Variants in C3orf22 observed in about 807,000 individuals in gnomAD.
C3orf22 encodes the protein uncharacterized protein C3orf22.
C3orf22 carries 7 observed loss-of-function variants against 10.8 expected under a neutral mutation model. The ratio of observed to expected loss-of-function variants is 0.65; its 90% CI spans 0.37 to 1.22. The LOEUF is 1.22. Ranked by LOEUF, C3orf22 falls within the 50% of genes most tolerant of loss-of-function variation. C3orf22 has a pLI of 0.02. For synonymous variants in C3orf22, 79 were observed against 78.9 expected, an observed-to-expected ratio of 1.00 and a Z score of 0.00; for missense variants, 173 against 177.0, an observed-to-expected ratio of 0.98 and a Z score of 0.13.
At chr3:126,536,913 A>T (rs1252693121) in intron 4 of C3orf22, among the ~76,000 whole-genome samples, 1 of 151,126 alleles carries the variant, frequency 6.6e-6, no homozygotes, top group Non-Finnish European at 1.5e-5. Flanking sequence ...ACACACACAC[A>T]CACACACACA....
At chr3:126,547,610 C>T (rs1334458503), downstream of C3orf22, among the ~76,000 whole-genome samples, 9 of 152,236 alleles carry the variant, frequency 5.9e-5, no homozygotes, top group East Asian at 1.7e-3. Context: ...GCCAGCGACC[C>T]CTCCTGCTCC....
At chr3:126,550,921 A>C (rs1221304071) in intron 3 of C3orf22, among the ~76,000 whole-genome samples, 1 of 152,174 alleles carries the variant, frequency 6.6e-6, no homozygotes, top group Non-Finnish European at 1.5e-5. Flanking sequence ...TCCATTTTGC[A>C]TGGGTAGAAT....
chr3:126,549,785 T>A lies in C3orf22; in HGVS notation c.*83A>T. 1 of 1,525,086 alleles carries A rather than the reference T, an allele frequency of 6.6e-7. No homozygotes were observed. Among genetic ancestry groups the A allele is most frequent in the Non-Finnish European group, 8.8e-7 (1 of 1,136,554 alleles). 94.5% of individuals were successfully genotyped at this position (1,525,086 alleles called of 1,614,324 possible). On this transcript the variant is annotated 3_prime_UTR_variant, in exon 4 of 4. Coordinates refer to ENST00000318225, the MANE Select transcript of C3orf22 (RefSeq NM_152533.3). ...TATGATGGCCATGAAGGCTGATCCC[T>A]TTACTAAAGTCTCTGTGGCTACTGC...
At chr3:126,528,440 C>T (rs891203006) in intron 5 of C3orf22, among the ~76,000 whole-genome samples, 1 of 152,074 alleles carries the variant, frequency 6.6e-6, no homozygotes, top group African/African-American at 2.4e-5. Flanking sequence ...AGCAGTGAAC[C>T]AGGAAGGGTG....
downstream of C3orf22, among the ~76,000 whole-genome samples, chr3:126,548,909 C>A (rs892064991): frequency 6.6e-6 from 1 of 152,208 alleles, no homozygotes; most frequent in Non-Finnish European, 1.5e-5. Context: ...AAAGCCACAT[C>A]CCACTCCAGG....
At position 126,529,414 on chromosome 3, in the gene C3orf22, G is replaced by T. The variant is rs1263197391; in HGVS notation, c.287-42C>A. ...GGGGGACAGGTGTCAGGACAAGGGG[G>T]CACCCAGAGGCAGGGCAGCATGGGT... On this transcript the variant is annotated intron_variant and NMD_transcript_variant, in intron 4 of 5. Coordinates refer to the C3orf22 transcript ENST00000505070. The T allele has an allele frequency of 3.1e-6, 4 of 1,287,636 alleles. No homozygotes were observed. In the Admixed American group the frequency reaches 9.2e-5, roughly 30 times the overall value. 79.8% of individuals were successfully genotyped at this position (1,287,636 alleles called of 1,614,324 possible).
intron 3 of C3orf22, among the ~76,000 whole-genome samples, chr3:126,550,850 A>C (rs1223972706): frequency 6.6e-6 from 1 of 152,236 alleles, no homozygotes; most frequent in East Asian, 1.9e-4. Flanking sequence ...TGTTCCCAGC[A>C]GCAGGGGTTC....
rs988730884 is a variant in C3orf22, at chr3:126,553,219, C to G, written c.89+83G>C. ...CAAAACCCCCTCCCAGCTGCAGCCC[C>G]ACAGAATGCATTTGAGTTCCCAGGA... On this transcript the variant is annotated intron_variant, in intron 2 of 3. Coordinates refer to ENST00000318225, the MANE Select transcript of C3orf22 (RefSeq NM_152533.3). 8 of 983,820 alleles carry G rather than the reference C, an allele frequency of 8.1e-6. No homozygotes were observed. In the Admixed American group the frequency reaches 1.4e-4, roughly 17 times the overall value. 60.9% of individuals were successfully genotyped at this position (983,820 alleles called of 1,614,324 possible).
At chr3:126,528,468 C>T (rs1936579662) in intron 5 of C3orf22, among the ~76,000 whole-genome samples, 1 of 152,038 alleles carries the variant, frequency 6.6e-6, no homozygotes. Context: ...ACTGGTGGGC[C>T]TTGGGGGGAA....
chr3:126,543,914 C>G (rs1937025458), intron 4 of C3orf22, among the ~76,000 whole-genome samples: 1 of 152,162 alleles, frequency 6.6e-6, no homozygotes, highest in Admixed American at 6.5e-5. Flanking sequence ...TGAGGCCTCC[C>G]CCAGCCTGGG....
exon 5 of C3orf22, chr3:126,529,371 G>C (rs1347926473): frequency 7.8e-7 from 1 of 1,289,216 alleles, no homozygotes; most frequent in Non-Finnish European, 1.0e-6. Context: ...GGGCCCACTT[G>C]CCTACGGATG....
At chr3:126,529,670 C>T (rs1190873121) in intron 4 of C3orf22, among the ~76,000 whole-genome samples, 1 of 152,128 alleles carries the variant, frequency 6.6e-6, no homozygotes, top group Non-Finnish European at 1.5e-5. Flanking sequence ...CTGTCTCTTC[C>T]TTCTCTTTCT....
At chr3:126,549,490 A>T (rs1937130592), downstream of C3orf22, 1 of 525,086 alleles carries the variant, frequency 1.9e-6, no homozygotes, top group East Asian at 6.6e-5. Flanking sequence ...CTGCTTTCCA[A>T]TCCTTTGCTG....
rs77553102 is a variant in C3orf22 at position 126,541,030 on chromosome 3, T to G, written c.286+8507A>C. ...AGGAGTGATCTGAAGAAAGGGGAGC[T>G]GGAAGCATGGAAGCGCTGGCCTGGG... On this transcript the variant is annotated intron_variant and NMD_transcript_variant, in intron 4 of 5. Transcript: ENST00000505070. 4.9e-3 allele frequency among the ~76,000 whole-genome samples: 741 copies of G among 152,236 alleles called. 5 individuals are homozygous for G. Among genetic ancestry groups the G allele is most frequent in the African/African-American group, 0.017 (719 of 41,528 alleles).
At position 126,549,905 on chromosome 3, in the gene C3orf22, G is replaced by C; in HGVS notation, c.389C>G (p.Thr130Ser). 1.2e-6 allele frequency: 2 copies of C among 1,614,080 alleles called. No homozygotes were observed. Among genetic ancestry groups the C allele is most frequent in the Non-Finnish European group, 1.7e-6 (2 of 1,180,020 alleles). ...CCTGGACAGCCCTGCCGCCTTGCTG[G>C]TCTGGGGGCAGGCAGCCTCAGTGTG... The part of the protein sequence containing the change: ...TRHTEAACPQ[T>S]SKAAGLSRGL... Residue 130 changes from threonine to serine, a missense_variant, in exon 4 of 4, where the codon ACC becomes AGC. Physicochemically the swap from Thr to Ser is moderately conservative, Grantham distance 58. Coordinates refer to ENST00000318225, the MANE Select transcript of C3orf22 (RefSeq NM_152533.3).
Position 126,556,883 on chromosome 3 carries a change from G to GAC in C3orf22, c.-41+1742_-41+1743dup, listed in dbSNP as rs1170814371. Reference sequence around the variant, plus strand: ...AGACTCACATACACACACACACACAGACTCACACACATGCTCAGACTCACA... The same window carrying GAC: ...AGACTCACATACACACACACACACAGACACTCACACACATGCTCAGACTCACA... On this transcript the variant is annotated intron_variant, in intron 1 of 3. Transcript: ENST00000318225. 7.1e-5 allele frequency among the ~76,000 whole-genome samples: 10 copies of GAC among 139,916 alleles called. No individual in the cohort carries two copies. The East Asian group carries it at 1.3e-3, about 18-fold the overall frequency. The allele number at this position is 139,916 out of a possible 152,430, so 91.8% of individuals were successfully genotyped here.
At chr3:126,555,961 G>A (rs1559756106) in intron 1 of C3orf22, among the ~76,000 whole-genome samples, 1 of 152,170 alleles carries the variant, frequency 6.6e-6, no homozygotes, top group Non-Finnish European at 1.5e-5. Context: ...CATCTGGTGG[G>A]CAACATCGGG....
At chr3:126,546,719 C>G (rs748351671), downstream of C3orf22, among the ~76,000 whole-genome samples, 30 of 152,144 alleles carry the variant, frequency 2.0e-4, no homozygotes, top group Admixed American at 2.0e-4. Context: ...TTAACTCCCC[C>G]CAGCCTGTGG....
exon 5 of C3orf22, chr3:126,529,226 C>G: frequency 1.0e-6 from 1 of 962,300 alleles, no homozygotes; most frequent in African/African-American, 1.7e-5. Flanking sequence ...GTGTTTCACC[C>G]GGTATCTTGA....
Sources: gnomAD v4.1 joint callset for allele counts (sites outside exome capture counted in the v4.1 genomes callset) on GRCh38, gnomAD v4.1.1 for gene constraint, MANE v1.5 for transcripts, NCBI Gene and HGNC (gene_info 2026-07-23, HGNC 2026-07-21) for gene names.